CMYA5: variants seen among roughly 807,000 people sequenced by gnomAD.
CMYA5 encodes cardiomyopathy associated 5.
In CMYA5, 246 loss-of-function variants were observed where a neutral mutation model predicts 318.9. That is an observed-to-expected ratio of 0.77 (90% CI 0.70 to 0.86). The LOEUF (loss-of-function observed/expected upper bound fraction) is 0.86, where lower values mean the gene tolerates loss of function less well. CMYA5 is among the 40% of genes least tolerant of loss of function. The pLI, the probability that CMYA5 is intolerant of heterozygous loss-of-function variation, is 0.00. For missense variants in CMYA5, 4,589 were observed against 4,678.2 expected, an observed-to-expected ratio of 0.98 and a Z score of 0.56; for synonymous variants, 1,641 against 1,729.5, an observed-to-expected ratio of 0.95 and a Z score of 1.27.
At chr5:79,762,217 C>A in intron 8 of CMYA5, 1 of 337,094 alleles carries the variant, frequency 3.0e-6, no homozygotes, top group Non-Finnish European at 5.3e-6. Flanking sequence ...TATGAGAACA[C>A]TCCAGAGGGG....
At chr5:79,694,630 AAT>A (rs1410644425) in intron 1 of CMYA5, among the ~76,000 whole-genome samples, 1 of 152,242 alleles carries the variant, frequency 6.6e-6, no homozygotes, top group Non-Finnish European at 1.5e-5. Context: ...AAGCTGACAG[AAT>A]TAAAATTATT....
rs1827906825 is a variant in CMYA5, at chr5:79,731,655, G to T, written c.2890G>T (p.Glu964Ter). The part of the protein sequence containing the change: ...EFSFPPYATQ[E>*]AEKREFECDS... ...CTCATTTCCACCGTATGCAACCCAGGAAGCAGAGAAAAGAGAATTTGAGTG... is the reference window on the plus strand; with the variant it reads ...CTCATTTCCACCGTATGCAACCCAGTAAGCAGAGAAAAGAGAATTTGAGTG... Residue 964 changes from glutamate to a stop codon, truncating the protein, a stop_gained, in exon 2 of 13, where the codon GAA becomes TAA. Transcript: ENST00000446378. LOFTEE classifies it high-confidence loss of function. The T allele has an allele frequency of 6.2e-7, 1 of 1,613,782 alleles. No homozygotes were observed. The highest frequency in any genetic ancestry group is 8.5e-7 in the Non-Finnish European group (1 of 1,179,852).
At chr5:79,716,578 A>T (rs1827521115) in intron 1 of CMYA5, among the ~76,000 whole-genome samples, 1 of 152,272 alleles carries the variant, frequency 6.6e-6, no homozygotes, top group Admixed American at 6.5e-5. Flanking sequence ...TGTCTCAACT[A>T]ACAAGTAAAT....
intron 1 of CMYA5, among the ~76,000 whole-genome samples, chr5:79,728,442 G>A (rs1827795490): frequency 6.6e-6 from 1 of 152,040 alleles, no homozygotes; most frequent in African/African-American, 2.4e-5. Flanking sequence ...AAGAGTGGGG[G>A]AAAATGAGGT....
chr5:79,715,509 G>A (rs1056390342), intron 1 of CMYA5, among the ~76,000 whole-genome samples: 2 of 151,996 alleles, frequency 1.3e-5, no homozygotes, highest in African/African-American at 4.8e-5. Flanking sequence ...GGATGGTCTC[G>A]ATCTCCTGAC....
intron 12 of CMYA5, among the ~76,000 whole-genome samples, chr5:79,794,571 T>C (rs1322760510): frequency 1.3e-5 from 2 of 152,186 alleles, no homozygotes; most frequent in African/African-American, 2.4e-5. Context: ...CCTTAAATCA[T>C]CTAGCTCAGC....
intron 1 of CMYA5, among the ~76,000 whole-genome samples, chr5:79,712,446 C>G (rs1001172018): frequency 1.8e-4 from 28 of 151,988 alleles, no homozygotes; most frequent in African/African-American, 6.8e-4. Context: ...CTCCTGCCCT[C>G]AAATGATCCA....
In CMYA5 at chr5:79,737,319, C is replaced by T; in HGVS notation, c.8554C>T (p.Gln2852Ter). 1 of 1,613,806 alleles carries T rather than the reference C, an allele frequency of 6.2e-7. No homozygotes were observed. ...AGAAAGGCATACAGTTCATACTATT[C>T]AGACATCTAAAGATGACACATCCGA... Reference protein sequence around the residue: ...TPERHTVHTIQTSKDDTSDVP... With the variant: ...TPERHTVHTI The change falls in exon 2 of 13, where the codon CAG becomes TAG. Residue 2852 changes from glutamine to a stop codon, truncating the protein, a stop_gained. Coordinates refer to ENST00000446378, the MANE Select transcript of CMYA5 (RefSeq NM_153610.5). LOFTEE classifies it high-confidence loss of function.
intron 9 of CMYA5, among the ~76,000 whole-genome samples, chr5:79,769,322 C>G (rs1274083129): frequency 6.6e-6 from 1 of 151,958 alleles, no homozygotes; most frequent in Non-Finnish European, 1.5e-5. Context: ...CATTTTCTGT[C>G]TAGTTTTGTT....
At chr5:79,746,611 A>C (rs2151090923) in intron 4 of CMYA5, among the ~76,000 whole-genome samples, 1 of 152,028 alleles carries the variant, frequency 6.6e-6, no homozygotes, top group South Asian at 2.1e-4. Context: ...CATTTTTTAA[A>C]ATTGGAAAAT....
At chr5:79,797,286 G>A (rs1419714221) in intron 12 of CMYA5, among the ~76,000 whole-genome samples, 1 of 152,124 alleles carries the variant, frequency 6.6e-6, no homozygotes, top group Non-Finnish European at 1.5e-5. Context: ...GGGCCTCTTG[G>A]AAGTTGAAAG....
chr5:79,791,041 A>C lies in CMYA5; in HGVS notation c.11761A>C (p.Ser3921Arg). Residue 3921 changes from serine to arginine, a missense_variant, in exon 11 of 13, where the codon AGC (serine) becomes CGC (arginine). Ser to Arg is a moderately radical substitution (Grantham distance 110). Around this residue, in one of 3 missense-constraint regions of CMYA5, gnomAD observed 2,431 missense variants for 2,495.1 expected, o/e 0.97. Coordinates refer to ENST00000446378, the MANE Select transcript of CMYA5 (RefSeq NM_153610.5). ...CATTTCCTCAAGTGGGACAGTGATC[A>C]GCTTTGGTGAGAGGAGACGGCTGAC... Reference protein sequence around the residue: ...LHISSSGTVISFGERRRLTEI... With the variant: ...LHISSSGTVIRFGERRRLTEI... 1.2e-6 allele frequency: 2 copies of C among 1,613,772 alleles called. No individual in the cohort carries two copies. Among genetic ancestry groups the C allele is most frequent in the Non-Finnish European group, 1.7e-6 (2 of 1,179,744 alleles).
Position 79,770,780 on chromosome 5 carries a change from C to G in CMYA5, c.11555+7571C>G, listed in dbSNP as rs190036597. On this transcript the variant is annotated intron_variant, in intron 9 of 12. Coordinates refer to ENST00000446378, the MANE Select transcript of CMYA5 (RefSeq NM_153610.5). ...GTGTGTTATTTAAGCTCTTGTTTAT[C>G]TTCATGATCAACAACTATTTATTTA... Among the ~76,000 whole-genome samples, 4 of 152,236 alleles carry G rather than the reference C, an allele frequency of 2.6e-5. 1 individual carries two copies. Among genetic ancestry groups the G allele is most frequent in the Admixed American group, 2.6e-4 (4 of 15,302 alleles).
intron 9 of CMYA5, among the ~76,000 whole-genome samples, chr5:79,781,662 G>C (rs1829017816): frequency 1.7e-5 from 1 of 59,564 alleles, no homozygotes; most frequent in Non-Finnish European, 2.6e-5. Context: ...TATGTGTCCA[G>C]GAATGTATCC....
In CMYA5 at chr5:79,738,621, T is replaced by A; in HGVS notation, c.9856T>A (p.Phe3286Ile). The A allele has an allele frequency of 6.2e-7, 1 of 1,613,612 alleles. No homozygotes were observed. Among genetic ancestry groups the A allele is most frequent in the Non-Finnish European group, 8.5e-7 (1 of 1,179,800 alleles). Residue 3286 changes from phenylalanine (F) to isoleucine (I), a missense_variant, in exon 2 of 13, where the codon TTT (phenylalanine) becomes ATT (isoleucine). Phe to Ile is a conservative substitution (Grantham distance 21, BLOSUM62 0). This residue lies in a region of CMYA5 where 2,431 missense variants were observed against 2,495.1 expected (regional missense o/e 0.97). Coordinates refer to ENST00000446378, the MANE Select transcript of CMYA5 (RefSeq NM_153610.5). ...TGCAGAAGGGGAAATTTGGGGAAAG[T>A]TTGGAACTATTTGCAGGGAGAAGAG... Reference protein sequence around the residue: ...IAAEGEIWGKFGTICREKSLE... With the variant: ...IAAEGEIWGKIGTICREKSLE...
chr5:79,693,597 C>T (rs918427857), intron 1 of CMYA5, among the ~76,000 whole-genome samples: 1 of 152,292 alleles, frequency 6.6e-6, no homozygotes, highest in Non-Finnish European at 1.5e-5. Flanking sequence ...CTGCCTCCAG[C>T]CTCCCAAAAT....
chr5:79,737,223 C>G lies in CMYA5; in HGVS notation c.8458C>G (p.Leu2820Val). The change falls in exon 2 of 13, where the codon CTT (leucine) becomes GTT (valine). Residue 2820 changes from leucine (L) to valine (V), a missense_variant. Physicochemically the swap from Leu to Val is conservative, Grantham distance 32. This residue lies in a region of CMYA5 where 2,431 missense variants were observed against 2,495.1 expected (regional missense o/e 0.97). Transcript: ENST00000446378. Reference sequence around the variant, plus strand: ...GCTGTCACCTGTAAAACCACAAACTCTTGCTTCAGGAGCTTCTCCAGAAAT... The same window carrying G: ...GCTGTCACCTGTAAAACCACAAACTGTTGCTTCAGGAGCTTCTCCAGAAAT... ...YLLSPVKPQT[L>V]ASGASPEINA... is the part of the protein sequence containing the mutation. 1 of 1,613,748 alleles carries G rather than the reference C, an allele frequency of 6.2e-7. No homozygotes were observed. The highest frequency in any genetic ancestry group is 8.5e-7 in the Non-Finnish European group (1 of 1,179,808).
At chr5:79,776,751 A>G in intron 9 of CMYA5, among the ~76,000 whole-genome samples, 1 of 152,202 alleles carries the variant, frequency 6.6e-6, no homozygotes, top group African/African-American at 2.4e-5. Context: ...GGTGCTGTCA[A>G]TGTGAATGTC....
intron 7 of CMYA5, among the ~76,000 whole-genome samples, 166 bp from the exon 8 acceptor site, chr5:79,761,645 T>C (rs1828653146): frequency 6.6e-6 from 1 of 152,252 alleles, no homozygotes. Context: ...CAGAATGCTG[T>C]TGCTTTCACA....
Sources: gnomAD v4.1 joint callset for allele counts (sites outside exome capture counted in the v4.1 genomes callset) on GRCh38, gnomAD v4.1.1 for gene constraint, gnomAD v4.1.1 regional missense constraint, MANE v1.5 for transcripts, NCBI Gene and HGNC (gene_info 2026-07-23, HGNC 2026-07-21) for gene names.